The following WWOX variants were observed in gnomAD, a reference collection of about 807,000 sequenced individuals.
WWOX encodes WW domain containing oxidoreductase.
Under a neutral mutation model 46.2 loss-of-function variants are expected in WWOX, and 69 were observed. The ratio of observed to expected loss-of-function variants is 1.49; its 90% CI spans 1.23 to 1.82. WWOX has a LOEUF of 1.82. WWOX is among the 40% of genes most tolerant of loss of function. The pLI, the probability that WWOX is intolerant of heterozygous loss-of-function variation, is 0.00. For missense variants in WWOX, 919 were observed against 542.6 expected (o/e 1.69, Z -6.89); for synonymous variants, 359 against 202.6 (o/e 1.77, Z -6.56).
chr16:79,134,913 G>C (rs1265726806), intron 8 of WWOX, among the ~76,000 whole-genome samples: 1 of 152,210 alleles, frequency 6.6e-6, no homozygotes, highest in East Asian at 1.9e-4. Context: ...AAAGTGGAGT[G>C]AATGCCACCA....
chr16:79,084,379 A>G (rs1157222565), intron 8 of WWOX, among the ~76,000 whole-genome samples: 4 of 152,226 alleles, frequency 2.6e-5, no homozygotes, highest in African/African-American at 4.8e-5. Context: ...TAAATAATGT[A>G]AAATATAAAT....
chr16:78,740,757 C>T (rs1466107051), intron 8 of WWOX, among the ~76,000 whole-genome samples: 3 of 152,002 alleles, frequency 2.0e-5, no homozygotes, highest in Non-Finnish European at 4.4e-5. Context: ...GCAGGTCCAC[C>T]CTGGTGGATA....
rs115684752 is a variant in WWOX, at chr16:79,154,469, G to A, written c.1057-57139G>A. 3.2e-3 allele frequency among the ~76,000 whole-genome samples: 473 copies of A among 148,452 alleles called. 5 individuals carry two copies. The highest frequency in any genetic ancestry group is 0.011 in the African/African-American group (442 of 40,260). On this transcript the variant is annotated intron_variant, in intron 8 of 8. Coordinates refer to ENST00000566780, the MANE Select transcript of WWOX (RefSeq NM_016373.4). ...AAATCTACCTCTCAAAGATAGACAT[G>A]GACATATAAATAATTTTTTAAAATC...
intron 8 of WWOX, among the ~76,000 whole-genome samples, chr16:79,200,541 G>A (rs1489519375): frequency 6.6e-6 from 1 of 152,148 alleles, no homozygotes; most frequent in African/African-American, 2.4e-5. Flanking sequence ...CCTGCCTGGT[G>A]GGGAGTGAGG....
At chr16:78,771,147 G>C (rs529448906) in intron 8 of WWOX, among the ~76,000 whole-genome samples, 10 of 152,156 alleles carry the variant, frequency 6.6e-5, no homozygotes, top group Non-Finnish European at 1.0e-4. Context: ...GCCAGAGCAC[G>C]CATTTTAAGG....
At chr16:78,742,426 G>A (rs1453503339) in intron 8 of WWOX, among the ~76,000 whole-genome samples, 1 of 152,120 alleles carries the variant, frequency 6.6e-6, no homozygotes, top group Admixed American at 6.5e-5. Context: ...TGTGCAAATG[G>A]AGATAATAGT....
intron 8 of WWOX, among the ~76,000 whole-genome samples, chr16:79,091,411 C>T (rs2048957702): frequency 6.6e-6 from 1 of 152,088 alleles, no homozygotes; most frequent in Non-Finnish European, 1.5e-5. Context: ...GGCTGCCAGG[C>T]AGTAGCAACA....
chr16:78,292,668 T>A (rs1472568989), intron 5 of WWOX, among the ~76,000 whole-genome samples: 1 of 152,174 alleles, frequency 6.6e-6, no homozygotes, highest in Non-Finnish European at 1.5e-5. Context: ...TAAATTTATT[T>A]ACATGTTGGA....
intron 8 of WWOX, among the ~76,000 whole-genome samples, chr16:78,710,866 C>G (rs1379376890): frequency 6.6e-6 from 1 of 152,120 alleles, no homozygotes; most frequent in Non-Finnish European, 1.5e-5. Context: ...ATCCTACTCA[C>G]TCGGCCTCCC....
At chr16:79,154,417 C>T (rs8058094) in intron 8 of WWOX, among the ~76,000 whole-genome samples, 1 of 151,514 alleles carries the variant, frequency 6.6e-6, no homozygotes, top group East Asian at 1.9e-4. Flanking sequence ...ATTTTCAATA[C>T]TGGCCCCTCA....
intron 8 of WWOX, among the ~76,000 whole-genome samples, chr16:78,843,831 C>G (rs1291617703): frequency 2.0e-5 from 3 of 152,014 alleles, no homozygotes; most frequent in African/African-American, 7.3e-5. Context: ...CAGCACAATC[C>G]CTATTTTTAG....
chr16:79,025,998 G>T (rs908602182), intron 8 of WWOX, among the ~76,000 whole-genome samples: 21 of 150,344 alleles, frequency 1.4e-4, no homozygotes, highest in Admixed American at 5.3e-4. Context: ...ATGGGTTTTA[G>T]CCATGTTGTG....
At chr16:78,377,808 C>G (rs759821345) in intron 5 of WWOX, among the ~76,000 whole-genome samples, 1 of 152,128 alleles carries the variant, frequency 6.6e-6, no homozygotes, top group Non-Finnish European at 1.5e-5. Flanking sequence ...AACTCATATA[C>G]TAAATTAAAT....
chr16:78,316,236 A>G (rs2080354097), intron 5 of WWOX, among the ~76,000 whole-genome samples: 1 of 152,074 alleles, frequency 6.6e-6, no homozygotes, highest in Admixed American at 6.6e-5. Context: ...ACAGAGCCAC[A>G]TCTCCAAAAA....
intron 8 of WWOX, among the ~76,000 whole-genome samples, chr16:78,441,096 C>A (rs1055945025): frequency 6.6e-6 from 1 of 152,100 alleles, no homozygotes; most frequent in Non-Finnish European, 1.5e-5. Flanking sequence ...GTGTGCACCA[C>A]CACGCACGGC....
intron 7 of WWOX, among the ~76,000 whole-genome samples, chr16:78,431,047 G>C (rs1394869337): frequency 1.3e-5 from 2 of 152,140 alleles, no homozygotes; most frequent in Non-Finnish European, 2.9e-5. Flanking sequence ...GAATATGAGG[G>C]GTCCTTTGAC....
intron 8 of WWOX, among the ~76,000 whole-genome samples, chr16:78,579,988 C>T (rs946109867): frequency 3.3e-5 from 5 of 152,092 alleles, no homozygotes; most frequent in East Asian, 1.9e-4. Context: ...GCGTTTAAGG[C>T]GCTTGCTCTT....
At position 78,730,159 on chromosome 16, in the gene WWOX, T is replaced by C. The variant is rs769101474; in HGVS notation, c.1056+297407T>C. ...GAATGAAACTACTTGGGCAAGAATA[T>C]AAAATTTTGTTCTATTTTATTTTAA... is the stretch of plus-strand genomic sequence containing the variant. On this transcript the variant is annotated intron_variant, in intron 8 of 8. Coordinates refer to ENST00000566780, the MANE Select transcript of WWOX (RefSeq NM_016373.4). 3.9e-5 allele frequency among the ~76,000 whole-genome samples: 6 copies of C among 152,302 alleles called. No homozygotes were observed. In the South Asian group the frequency reaches 6.2e-4, roughly 16 times the overall value.
chr16:79,000,955 G>A (rs1320763241), intron 8 of WWOX, among the ~76,000 whole-genome samples: 1 of 152,144 alleles, frequency 6.6e-6, no homozygotes, highest in Non-Finnish European at 1.5e-5. Context: ...ATAGTGTGTG[G>A]TTCAACTATG....
Sources: allele counts gnomAD v4.1 joint callset (sites outside exome capture counted in the v4.1 genomes callset), GRCh38; gene constraint gnomAD v4.1.1; transcripts MANE v1.5; gene names NCBI Gene and HGNC (gene_info 2026-07-23, HGNC 2026-07-21).